Variants in STK33 observed in about 807,000 individuals in gnomAD.
STK33 encodes serine/threonine kinase 33.
In STK33, 52 loss-of-function variants were observed where a neutral mutation model predicts 58.0. That is an observed-to-expected ratio of 0.90 (90% confidence interval 0.72 to 1.13). The LOEUF (loss-of-function observed/expected upper bound fraction) is 1.13, where lower values mean the gene tolerates loss of function less well. Ranked by LOEUF, STK33 falls within the 50% of genes most tolerant of loss-of-function variation. The pLI, the probability that STK33 is intolerant of heterozygous loss-of-function variation, is 0.00. For synonymous variants in STK33, 215 were observed against 200.1 expected (o/e 1.07, Z -0.63); for missense variants, 630 against 604.2 (o/e 1.04, Z -0.45).
intron 1 of STK33, among the ~76,000 whole-genome samples, chr11:8,537,975 C>CGA (rs561076131): frequency 1.5e-3 from 234 of 151,650 alleles, no homozygotes; most frequent in African/African-American, 5.0e-3. Flanking sequence ...TTGCTTGAGC[C>CGA]GAGGCATTCA....
In STK33 at chr11:8,475,051, T is replaced by C; in HGVS notation, c.-146A>G. 1 of 594,164 alleles carries C rather than the reference T, an allele frequency of 1.7e-6. No homozygotes were observed. The highest frequency in any genetic ancestry group is 2.8e-6 in the Non-Finnish European group (1 of 352,602). 36.8% of individuals were successfully genotyped at this position (594,164 alleles called of 1,614,324 possible). A position where few individuals can be genotyped will look rare whatever the true frequency, so the allele number is the denominator to read the frequency against. On this transcript the variant is annotated 5_prime_UTR_variant, in exon 5 of 16. In the 5' UTR this introduces an upstream ATG that the reference lacks. Transcript: ENST00000687296. ...TCAGGTTAAGGATGCACTAGACACA[T>C]ATTCACACGTGAGAGCTGCAGAAAG...
Position 8,413,662 on chromosome 11 carries a change from T to C in STK33, c.1177A>G (p.Asn393Asp), listed in dbSNP as rs764864603. The change falls in exon 15 of 16, where the codon AAT becomes GAT. Residue 393 changes from asparagine to aspartate, a missense_variant. By Grantham distance (23) the Asn-to-Asp change is conservative. Transcript: ENST00000687296. ...GNKLSSVRPTNVLEMMKEWKN... is the reference protein window; with the variant it reads ...GNKLSSVRPTDVLEMMKEWKN... ...CATTCCTTCATCATCTCTAATACAT[T>C]GGTTGGTCTCACCGAAGAAAGTTTA... 7 of 1,613,908 alleles carry C rather than the reference T, an allele frequency of 4.3e-6. 1 individual carries two copies. The South Asian group carries it at 4.4e-5, about 10-fold the overall frequency.
At chr11:8,447,603 C>T (rs1279377656) in intron 11 of STK33, among the ~76,000 whole-genome samples, 6 of 152,152 alleles carry the variant, frequency 3.9e-5, no homozygotes, top group Admixed American at 6.5e-5. Flanking sequence ...ATGCTAAAAA[C>T]TCTCAATAAA....
At chr11:8,566,894 CGTG>C (rs772928191) in intron 1 of STK33, among the ~76,000 whole-genome samples, 2 of 152,096 alleles carry the variant, frequency 1.3e-5, no homozygotes, top group African/African-American at 2.4e-5. Flanking sequence ...TAAGGCTGGG[CGTG>C]GCGGCTCATG....
intron 11 of STK33, among the ~76,000 whole-genome samples, chr11:8,446,242 T>C (rs1469526646): frequency 6.7e-6 from 1 of 148,430 alleles, no homozygotes; most frequent in Non-Finnish European, 1.5e-5. Flanking sequence ...TACCATTTTT[T>C]ATTGTGTCTA....
intron 14 of STK33, among the ~76,000 whole-genome samples, chr11:8,425,077 T>C (rs1027280020): frequency 6.7e-6 from 1 of 149,108 alleles, no homozygotes; most frequent in Non-Finnish European, 1.5e-5. Context: ...ATGTCCTGAA[T>C]GGTATTGCCT....
chr11:8,413,618 A>G lies in STK33; in HGVS notation c.1221T>C (p.Ser407=). The G allele has an allele frequency of 1.2e-6, 2 of 1,614,010 alleles. No individual in the cohort carries two copies. Among genetic ancestry groups the G allele is most frequent in the South Asian group, 2.2e-5 (2 of 91,072 alleles). ...TCTCTTCTGTTGTGTTTTCCTCAACACTTTCTGGGTTATTTTTCCATTCCT... is the reference window on the plus strand; with the variant it reads ...TCTCTTCTGTTGTGTTTTCCTCAACGCTTTCTGGGTTATTTTTCCATTCCT... The part of the protein sequence containing the change: ...MMKEWKNNPE[S]VEENTTEEKN... Residue 407 remains serine, a synonymous_variant, in exon 15 of 16, where the codon AGT becomes AGC. Transcript: ENST00000687296.
At chr11:8,375,244 T>C in the STK33 span, among the ~76,000 whole-genome samples, 1 of 152,264 alleles carries the variant, frequency 6.6e-6, no homozygotes, top group East Asian at 1.9e-4. Flanking sequence ...ACCCTACAAC[T>C]TGCAGTGACA....
intron 11 of STK33, among the ~76,000 whole-genome samples, chr11:8,448,852 C>G (rs1054275882): frequency 6.6e-6 from 1 of 151,884 alleles, no homozygotes; most frequent in Non-Finnish European, 1.5e-5. Flanking sequence ...AGGCAACCTA[C>G]GGAATGGGAG....
intron 1 of STK33, among the ~76,000 whole-genome samples, chr11:8,549,620 C>T (rs1315485763): frequency 1.3e-5 from 2 of 152,022 alleles, no homozygotes; most frequent in Non-Finnish European, 2.9e-5. Flanking sequence ...GGGTCCTGAG[C>T]TTTGTTGGGG....
chr11:8,570,203 C>T (rs1014740166), intron 1 of STK33, among the ~76,000 whole-genome samples: 5 of 152,012 alleles, frequency 3.3e-5, no homozygotes, highest in Admixed American at 3.3e-4. Context: ...TAAGTTAAAA[C>T]CACAATGAGA....
intron 1 of STK33, among the ~76,000 whole-genome samples, chr11:8,500,411 C>T (rs530988505): frequency 1.6e-3 from 237 of 152,042 alleles, no homozygotes; most frequent in African/African-American, 5.1e-3. Flanking sequence ...TATAAAAAAT[C>T]AGTTGTAGTT....
intron 1 of STK33, among the ~76,000 whole-genome samples, chr11:8,548,746 C>A (rs1217580679): frequency 1.3e-5 from 2 of 152,154 alleles, no homozygotes; most frequent in East Asian, 3.8e-4. Context: ...GATCATGGGA[C>A]ATCTTTCCAT....
chr11:8,450,969 G>GA (rs997248445), intron 11 of STK33, among the ~76,000 whole-genome samples: 41 of 152,238 alleles, frequency 2.7e-4, no homozygotes, highest in South Asian at 6.2e-4. Flanking sequence ...TAATCATTAG[G>GA]AAAATGCAAA....
the STK33 span, among the ~76,000 whole-genome samples, chr11:8,336,578 A>G: frequency 6.6e-6 from 1 of 152,372 alleles, no homozygotes; most frequent in South Asian, 2.1e-4. Context: ...GCACGCAGGC[A>G]GCACAAAGTG....
chr11:8,441,895 C>A (rs1388644830), intron 11 of STK33, among the ~76,000 whole-genome samples: 6 of 152,020 alleles, frequency 3.9e-5, no homozygotes, highest in Non-Finnish European at 8.8e-5. Context: ...ACTCCCTTTG[C>A]CAATGAGGAA....
chr11:8,466,643 T>G (rs556768914), intron 6 of STK33: 26 of 152,342 alleles, frequency 1.7e-4, no homozygotes, highest in African/African-American at 5.8e-4. Context: ...AAGCTGTCGG[T>G]GGATCTACTA....
At chr11:8,460,096 C>G (rs1947335782) in intron 8 of STK33, among the ~76,000 whole-genome samples, 1 of 152,172 alleles carries the variant, frequency 6.6e-6, no homozygotes, top group Non-Finnish European at 1.5e-5. Context: ...TTCCAAGTGA[C>G]TTACCTATAT....
the STK33 span, among the ~76,000 whole-genome samples, chr11:8,375,876 T>A: frequency 6.6e-6 from 1 of 152,110 alleles, no homozygotes; most frequent in Non-Finnish European, 1.5e-5. Context: ...CTTTCCTTCA[T>A]AAAGGAAAGG....
Sources: gnomAD v4.1 joint callset for allele counts (sites outside exome capture counted in the v4.1 genomes callset) on GRCh38, gnomAD v4.1.1 for gene constraint, MANE v1.5 for transcripts, NCBI Gene and HGNC (gene_info 2026-07-23, HGNC 2026-07-21) for gene names.